C2orf49: variants seen among roughly 807,000 people sequenced by gnomAD.
C2orf49 encodes tRNA-splicing ligase complex subunit ASW.
C2orf49 carries 11 observed loss-of-function variants against 20.6 expected under a neutral mutation model. The ratio of observed to expected loss-of-function variants is 0.53; its 90% CI spans 0.34 to 0.88. The LOEUF is 0.88. C2orf49 is among the 40% of genes least tolerant of loss of function. The pLI, the probability that C2orf49 is intolerant of heterozygous loss-of-function variation, is 0.02. For missense variants in C2orf49, 289 were observed against 274.2 expected, an observed-to-expected ratio of 1.05 and a Z score of -0.38; for synonymous variants, 134 against 108.5, an observed-to-expected ratio of 1.24 and a Z score of -1.46.
At position 105,345,341 on chromosome 2, in the gene C2orf49, A is replaced by G. The variant is rs767532256; in HGVS notation, c.669A>G (p.Lys223=). ...ATAACCTGAAGCCCCCACAAGCAAA[A>G]AGGAAGATACAACATGTTACTTGGC... ...AMNNLKPPQA[K]RKIQHVTWP is the part of the protein sequence containing the mutation. Residue 223 remains lysine (K), a synonymous_variant, in exon 4 of 4, where the codon AAA becomes AAG. Transcript: ENST00000258457. The G allele has an allele frequency of 3.5e-5, 56 of 1,613,402 alleles. 1 individual carries two copies. In the South Asian group the frequency reaches 6.2e-4, roughly 18 times the overall value.
intron 3 of C2orf49, among the ~76,000 whole-genome samples, 153 bp from the exon 4 acceptor site, chr2:105,345,162 T>C (rs915344670): frequency 1.1e-4 from 16 of 152,148 alleles, no homozygotes; most frequent in African/African-American, 3.6e-4. Context: ...GCTAGAGAAC[T>C]CACCCCTGTT....
chr2:105,365,506 C>T, the C2orf49 span, among the ~76,000 whole-genome samples: 1 of 151,972 alleles, frequency 6.6e-6, no homozygotes, highest in Non-Finnish European at 1.5e-5. Flanking sequence ...GATGAACTTC[C>T]GTTAGGTCTT....
chr2:105,373,595 A>T, the C2orf49 span: 7 of 1,614,060 alleles, frequency 4.3e-6, no homozygotes, highest in African/African-American at 9.3e-5. Flanking sequence ...TGGCACTTGG[A>T]TGAGTACTCG....
the C2orf49 span, among the ~76,000 whole-genome samples, chr2:105,384,027 C>T: frequency 9.2e-5 from 14 of 152,278 alleles, no homozygotes; most frequent in East Asian, 1.2e-3. Flanking sequence ...ATAAAACATG[C>T]GTGGAAGGAT....
chr2:105,373,423 C>G, the C2orf49 span: 2 of 844,504 alleles, frequency 2.4e-6, no homozygotes, highest in Non-Finnish European at 3.9e-6. Flanking sequence ...TCTAAATACT[C>G]CTCTGCAGTT....
the C2orf49 span, chr2:105,367,455 C>T: frequency 3.7e-6 from 4 of 1,072,672 alleles, no homozygotes; most frequent in Non-Finnish European, 5.5e-6. Context: ...AGGCACAGCT[C>T]CCACGCCACT....
At chr2:105,343,957 A>G (rs1679743585) in intron 3 of C2orf49, among the ~76,000 whole-genome samples, 1 of 152,032 alleles carries the variant, frequency 6.6e-6, no homozygotes, top group Non-Finnish European at 1.5e-5. Context: ...CTTTATTATT[A>G]TTATCATCTA....
chr2:105,372,925 C>T, the C2orf49 span, among the ~76,000 whole-genome samples: 1 of 152,178 alleles, frequency 6.6e-6, no homozygotes, highest in African/African-American at 2.4e-5. Context: ...ATTCTGCTCT[C>T]CTACATAAAA....
chr2:105,360,494 C>T, the C2orf49 span: 1 of 152,244 alleles, frequency 6.6e-6, no homozygotes, highest in Non-Finnish European at 1.5e-5. Context: ...GTAGCTGGGA[C>T]TACAGGCGCT....
At chr2:105,368,576 C>A in the C2orf49 span, among the ~76,000 whole-genome samples, 1 of 152,146 alleles carries the variant, frequency 6.6e-6, no homozygotes, top group Non-Finnish European at 1.5e-5. Context: ...TAACTATTAG[C>A]ATTTGATACA....
downstream of C2orf49, among the ~76,000 whole-genome samples, chr2:105,350,099 G>A (rs922898844): frequency 1.6e-4 from 24 of 152,290 alleles, no homozygotes; most frequent in African/African-American, 4.8e-4. Context: ...TATCCCCCCC[G>A]GTCTAGCTGC....
At chr2:105,373,741 G>A in the C2orf49 span, 3 of 1,613,484 alleles carry the variant, frequency 1.9e-6, no homozygotes, top group East Asian at 6.7e-5. Context: ...GTCCTGTGGG[G>A]CCAGACCACA....
the C2orf49 span, among the ~76,000 whole-genome samples, chr2:105,381,217 G>T: frequency 6.6e-6 from 1 of 152,144 alleles, no homozygotes; most frequent in Non-Finnish European, 1.5e-5. Flanking sequence ...GTTATGAAAA[G>T]ATATTTTCTG....
At chr2:105,351,269 A>G (rs972574343), downstream of C2orf49, among the ~76,000 whole-genome samples, 2 of 134,310 alleles carry the variant, frequency 1.5e-5, no homozygotes, top group African/African-American at 2.7e-5. Context: ...TTTTTCCACT[A>G]TAGTTATTGC....
At chr2:105,354,975 C>T in the C2orf49 span, among the ~76,000 whole-genome samples, 1 of 152,144 alleles carries the variant, frequency 6.6e-6, no homozygotes, top group African/African-American at 2.4e-5. Flanking sequence ...GAAGAGCTGA[C>T]AGGCTAAGAG....
chr2:105,357,144 G>A, the C2orf49 span, among the ~76,000 whole-genome samples: 1 of 151,806 alleles, frequency 6.6e-6, no homozygotes, highest in African/African-American at 2.4e-5. Context: ...ATTTTCTCCT[G>A]TTCTTTTTTT....
Position 105,343,016 on chromosome 2 carries a change from C to G in C2orf49, c.435C>G (p.Ser145=). ...TSNAFRKLSN[S]SSSVSPLILS... is the part of the protein sequence containing the mutation. ...ATGCCTTTAGAAAATTATCAAATTC[C>G]TCTTCGAGTGTTTCACCCCTAATTT... The change falls in exon 3 of 4, where the codon TCC becomes TCG. Residue 145 remains serine, a synonymous_variant. Transcript: ENST00000258457. The G allele has an allele frequency of 6.2e-7, 1 of 1,614,166 alleles. No individual in the cohort carries two copies. The highest frequency in any genetic ancestry group is 2.2e-5 in the East Asian group (1 of 44,884).
the C2orf49 span, chr2:105,378,237 G>A: frequency 2.1e-6 from 1 of 466,874 alleles, no homozygotes; most frequent in Non-Finnish European, 4.5e-6. Context: ...GTTTAAGACT[G>A]ATTCATTGAC....
chr2:105,378,005 A>G, the C2orf49 span: 1 of 463,612 alleles, frequency 2.2e-6, no homozygotes, highest in Non-Finnish European at 4.5e-6. Flanking sequence ...CCTTCAAGAA[A>G]AACTGAGAGA....
Sources: allele counts gnomAD v4.1 joint callset (sites outside exome capture counted in the v4.1 genomes callset), GRCh38; gene constraint gnomAD v4.1.1; transcripts MANE v1.5; gene names NCBI Gene and HGNC (gene_info 2026-07-23, HGNC 2026-07-21).